ADCY9: variants seen among roughly 807,000 people sequenced by gnomAD.
ADCY9 encodes adenylate cyclase 9.
ADCY9 carries 50 observed loss-of-function variants against 101.5 expected under a neutral mutation model. The ratio of observed to expected loss-of-function variants is 0.49; its 90% CI spans 0.39 to 0.62. ADCY9 has a LOEUF of 0.62. Among genes scored for constraint, ADCY9 ranks in the 20% least tolerant of loss-of-function variants. The probability of loss-of-function intolerance (pLI) is 0.00; values close to 1 mark genes in which losing one functional copy is unlikely to be tolerated. For missense variants in ADCY9, 1,662 were observed against 1,800.4 expected, an observed-to-expected ratio of 0.92 and a Z score of 1.39; for synonymous variants, 905 against 769.3, an observed-to-expected ratio of 1.18 and a Z score of -2.92.
At chr16:4,061,661 A>T (rs553275426) in intron 2 of ADCY9, among the ~76,000 whole-genome samples, 1 of 152,218 alleles carries the variant, frequency 6.6e-6, no homozygotes, top group Non-Finnish European at 1.5e-5. Flanking sequence ...ATTCCTAGAT[A>T]AACAAAGACA....
chr16:4,067,762 G>A (rs1206809061), intron 2 of ADCY9, among the ~76,000 whole-genome samples: 1 of 152,098 alleles, frequency 6.6e-6, no homozygotes, highest in African/African-American at 2.4e-5. Context: ...ACCGGGAGGT[G>A]GACTGCAACC....
intron 9 of ADCY9, among the ~76,000 whole-genome samples, chr16:3,977,175 A>T (rs1197504738): frequency 6.6e-6 from 1 of 152,244 alleles, no homozygotes; most frequent in Non-Finnish European, 1.5e-5. Context: ...ACTTTCTTAG[A>T]TTCCAGCCCA....
chr16:3,989,618 G>A (rs2056227722), intron 5 of ADCY9, among the ~76,000 whole-genome samples: 1 of 152,218 alleles, frequency 6.6e-6, no homozygotes, highest in African/African-American at 2.4e-5. Flanking sequence ...GGGCTCAAGA[G>A]ATCCACCCAT....
At chr16:4,030,939 T>C (rs4785951) in intron 2 of ADCY9, among the ~76,000 whole-genome samples, 67,428 of 151,944 alleles carry the variant, frequency 0.44, 17,163 homozygotes, top group Non-Finnish European at 0.57. Context: ...GCATTTTATG[T>C]ATGCATATTA....
chr16:4,071,234 G>A (rs2056831653), intron 2 of ADCY9, among the ~76,000 whole-genome samples: 1 of 150,130 alleles, frequency 6.7e-6, no homozygotes, highest in African/African-American at 2.4e-5. Flanking sequence ...GGAGGCTGAG[G>A]CGGGAGAATC....
Position 4,047,048 on chromosome 16 carries a change from A to G in ADCY9, c.1694-39490T>C, listed in dbSNP as rs571006419. Reference sequence around the variant, plus strand: ...AAAACTACGAAAACATATTCCACAAAAAAGATTTGTACATAAGGACTGTAT... The same window carrying G: ...AAAACTACGAAAACATATTCCACAAGAAAGATTTGTACATAAGGACTGTAT... On this transcript the variant is annotated intron_variant, in intron 2 of 10. Coordinates refer to ENST00000294016, the MANE Select transcript of ADCY9 (RefSeq NM_001116.4). Among the ~76,000 whole-genome samples, 282 of 152,244 alleles carry G rather than the reference A, an allele frequency of 1.9e-3. 1 individual carries two copies. Among genetic ancestry groups the G allele is most frequent in the African/African-American group, 6.4e-3 (268 of 41,554 alleles).
In ADCY9 at chr16:4,020,782, C is replaced by T. The variant is rs903109656; in HGVS notation, c.1694-13224G>A. 6.7e-5 allele frequency among the ~76,000 whole-genome samples: 10 copies of T among 150,138 alleles called. No homozygotes were observed. The South Asian group carries it at 1.3e-3, about 19-fold the overall frequency. On this transcript the variant is annotated intron_variant, in intron 2 of 10. Transcript: ENST00000294016. Reference sequence around the variant, plus strand: ...CGGAGCTTGCAGTGAGCTAAGATCGCGCCACTGCACTCCAGCCTGGGCGAC... The same window carrying T: ...CGGAGCTTGCAGTGAGCTAAGATCGTGCCACTGCACTCCAGCCTGGGCGAC...
chr16:3,982,846 G>A (rs904973129), intron 7 of ADCY9: 1 of 212,392 alleles, frequency 4.7e-6, no homozygotes, highest in East Asian at 1.1e-4. Context: ...ATGCTGTTTG[G>A]CTCCGGTACT....
chr16:4,114,725 A>T lies in ADCY9; in HGVS notation c.718T>A (p.Leu240Ile). Residue 240 changes from leucine to isoleucine, a missense_variant, in exon 2 of 11, where the codon TTA (leucine) becomes ATA (isoleucine). This residue lies in a region of ADCY9 where 422 missense variants were observed against 392.0 expected (regional missense o/e 1.08). Transcript: ENST00000294016. This position sits in a 1 kb window ranked among gnomAD's most constrained non-coding sequence, Gnocchi z 4.3. ...VLFLLYTVMH[L>I]PLYLSLCLGV... is the part of the protein sequence containing the mutation. Reference sequence around the variant, plus strand: ...AGACACAAACTCAGGTACAAAGGTAAGTGCATGACGGTATAGAGCAAAAAG... The same window carrying T: ...AGACACAAACTCAGGTACAAAGGTATGTGCATGACGGTATAGAGCAAAAAG... 1 of 1,613,170 alleles carries T rather than the reference A, an allele frequency of 6.2e-7. No homozygotes were observed.
intron 2 of ADCY9, among the ~76,000 whole-genome samples, chr16:4,100,624 C>G (rs575484358): frequency 3.8e-4 from 57 of 151,912 alleles, no homozygotes; most frequent in African/African-American, 1.4e-3. Context: ...AGCCATGCAC[C>G]TGGCCTCAGG....
At chr16:4,104,598 T>G (rs2141203271) in intron 2 of ADCY9, among the ~76,000 whole-genome samples, 1 of 151,318 alleles carries the variant, frequency 6.6e-6, no homozygotes, top group East Asian at 2.0e-4. Context: ...GGTGACAGAG[T>G]AGGACCCCAT....
chr16:4,010,356 C>T (rs911004461), intron 2 of ADCY9, among the ~76,000 whole-genome samples: 15 of 152,208 alleles, frequency 9.9e-5, no homozygotes, highest in African/African-American at 3.6e-4. Flanking sequence ...TGGAGCACGA[C>T]GGGACAGCCA....
intron 2 of ADCY9, among the ~76,000 whole-genome samples, chr16:4,022,600 G>T (rs918142047): frequency 6.0e-5 from 9 of 149,140 alleles, no homozygotes; most frequent in African/African-American, 2.2e-4. Flanking sequence ...GTGTATATCC[G>T]TGCATATGTG....
At chr16:3,986,994 C>T (rs961332199) in intron 6 of ADCY9, among the ~76,000 whole-genome samples, 11 of 152,382 alleles carry the variant, frequency 7.2e-5, no homozygotes, top group Admixed American at 1.3e-4. Flanking sequence ...CGTCCTGCCA[C>T]TCCTGCCCCA....
At chr16:4,010,693 G>C (rs2056398405) in intron 2 of ADCY9, among the ~76,000 whole-genome samples, 1 of 152,190 alleles carries the variant, frequency 6.6e-6, no homozygotes, top group Non-Finnish European at 1.5e-5. Context: ...GGAAGGACGG[G>C]TGCTCCAGGA....
At chr16:3,960,042 T>A (rs920624397), downstream of ADCY9, among the ~76,000 whole-genome samples, 6 of 150,820 alleles carry the variant, frequency 4.0e-5, no homozygotes, top group Non-Finnish European at 5.9e-5. Flanking sequence ...AATAAATAAA[T>A]AAAATAAAAA....
At chr16:4,016,784 G>C (rs759396780) in intron 2 of ADCY9, among the ~76,000 whole-genome samples, 1 of 152,222 alleles carries the variant, frequency 6.6e-6, no homozygotes, top group Non-Finnish European at 1.5e-5. Flanking sequence ...AGGGAGATCT[G>C]TAGACACAGA....
At position 3,983,435 on chromosome 16, in the gene ADCY9, T is replaced by C. The variant is rs2230739; in HGVS notation, c.2316A>G (p.Ile772Met). The C allele has an allele frequency of 0.29, 470,804 of 1,598,584 alleles. 71,122 individuals are homozygous for C. Among genetic ancestry groups the C allele is most frequent in the East Asian group, 0.39 (17,266 of 44,256 alleles). The change falls in exon 7 of 11, where the codon ATA (isoleucine) becomes ATG (methionine). Residue 772 changes from isoleucine to methionine, a missense_variant. By Grantham distance (10) the Ile-to-Met change is conservative. Coordinates refer to ENST00000294016, the MANE Select transcript of ADCY9 (RefSeq NM_001116.4). ...SYRTSYQEEVIKNSPVKTFAS... is the reference protein window; with the variant it reads ...SYRTSYQEEVMKNSPVKTFAS... ...CAAACGTCTTCACGGGGGAGTTCTT[T>C]ATGACCTGTGTGGAGCAGGAGTGGA...
At chr16:3,983,164 A>T (rs2056158926) in intron 7 of ADCY9, 68 bp downstream of exon 7, 7 of 1,425,514 alleles carry the variant, frequency 4.9e-6, no homozygotes, top group Non-Finnish European at 6.6e-6. Flanking sequence ...CCGCTCAGCC[A>T]TAAGCCATGG....
Sources: allele counts gnomAD v4.1 joint callset (sites outside exome capture counted in the v4.1 genomes callset), GRCh38; gene constraint gnomAD v4.1.1; regional missense constraint gnomAD v4.1.1; non-coding constraint Gnocchi (gnomAD v3.1); transcripts MANE v1.5; gene names NCBI Gene and HGNC (gene_info 2026-07-23, HGNC 2026-07-21).